The following ZNF525 variants were observed in gnomAD, a reference collection of about 807,000 sequenced individuals.
The protein encoded by ZNF525 is zinc finger protein 525.
Under a neutral mutation model 37.6 loss-of-function variants are expected in ZNF525, and 33 were observed. That is an observed-to-expected ratio of 0.88 (90% confidence interval 0.67 to 1.17). The LOEUF (loss-of-function observed/expected upper bound fraction) is 1.17. Ranked by LOEUF, ZNF525 falls within the 50% of genes most tolerant of loss-of-function variation. The pLI, the probability that ZNF525 is intolerant of heterozygous loss-of-function variation, is 0.00. For synonymous variants in ZNF525, 170 were observed against 182.3 expected (o/e 0.93, Z 0.54); for missense variants, 449 against 543.1 (o/e 0.83, Z 1.72).
Position 53,380,968 on chromosome 19 carries a change from A to G in ZNF525, c.389A>G (p.His130Arg), listed in dbSNP as rs1453772644. The change falls in exon 4 of 4, where the codon CAT becomes CGT. Residue 130 changes from histidine to arginine, a missense_variant. Transcript: ENST00000474037. Reference protein sequence around the residue: ...MGSTEQYDHRHAGNKPIKYQL... With the variant: ...MGSTEQYDHRRAGNKPIKYQL... ...AGTACAGAGCAATATGATCACAGGC[A>G]TGCTGGAAACAAGCCTATTAAATAT... is the stretch of plus-strand genomic sequence containing the variant. 1.1e-5 allele frequency: 18 copies of G among 1,589,360 alleles called. No homozygotes were observed. Among genetic ancestry groups the G allele is most frequent in the African/African-American group, 2.7e-5 (2 of 74,430 alleles).
At chr19:53,379,139 G>A (rs1253945081) in intron 3 of ZNF525, among the ~76,000 whole-genome samples, 1 of 150,848 alleles carries the variant, frequency 6.6e-6, no homozygotes, top group Non-Finnish European at 1.5e-5. Context: ...TCTTAGAGAC[G>A]AAGTCTCACC....
chr19:53,382,811 C>A lies in ZNF525; in HGVS notation c.*792C>A. On this transcript the variant is annotated 3_prime_UTR_variant, in exon 4 of 4. Transcript: ENST00000474037. ...CGGGCGAACTCATGCTGGAGAGAAA[C>A]CTTACAAATGTGAAGAATGTGATAA... 8 of 1,209,366 alleles carry A rather than the reference C, an allele frequency of 6.6e-6. No individual in the cohort carries two copies. Among genetic ancestry groups the A allele is most frequent in the Non-Finnish European group, 4.8e-6 (4 of 830,478 alleles). The allele number at this position is 1,209,366 out of a possible 1,614,324, so 74.9% of individuals were successfully genotyped here.
intron 2 of ZNF525, among the ~76,000 whole-genome samples, chr19:53,373,988 T>C (rs1339210927): frequency 1.3e-5 from 2 of 152,112 alleles, no homozygotes; most frequent in African/African-American, 4.8e-5. Context: ...GCTCAAGCGA[T>C]TCTCCTGCCT....
chr19:53,374,300 A>G (rs1207889527), intron 2 of ZNF525, among the ~76,000 whole-genome samples: 1 of 152,170 alleles, frequency 6.6e-6, no homozygotes, highest in African/African-American at 2.4e-5. Flanking sequence ...TTGATATTTC[A>G]TCCTGCTAGT....
chr19:53,382,391 G>C lies in ZNF525; in HGVS notation c.*372G>C. 1 of 1,058,938 alleles carries C rather than the reference G, an allele frequency of 9.4e-7. No individual in the cohort carries two copies. The highest frequency in any genetic ancestry group is 1.5e-6 in the Non-Finnish European group (1 of 680,706). The allele number at this position is 1,058,938 out of a possible 1,614,324, so 65.6% of individuals were successfully genotyped here. Reference sequence around the variant, plus strand: ...GACATAGGAGAATTCATAATGGAGAGAAACCGTACAAGTGTAATGAGTGTG... The same window carrying C: ...GACATAGGAGAATTCATAATGGAGACAAACCGTACAAGTGTAATGAGTGTG... On this transcript the variant is annotated 3_prime_UTR_variant, in exon 4 of 4. Transcript: ENST00000474037.
At chr19:53,373,673 T>C (rs2147067371) in intron 2 of ZNF525, among the ~76,000 whole-genome samples, 1 of 151,750 alleles carries the variant, frequency 6.6e-6, no homozygotes, top group Non-Finnish European at 1.5e-5. Flanking sequence ...TTTACAAAAA[T>C]TAACCAGGCA....
chr19:53,370,290 A>G (rs2085478089), intron 1 of ZNF525, among the ~76,000 whole-genome samples: 1 of 150,988 alleles, frequency 6.6e-6, no homozygotes, highest in Admixed American at 6.6e-5. Context: ...TGTTGGGTGG[A>G]TGCCTGTAGT....
Position 53,382,779 on chromosome 19 carries a change from C to T in ZNF525, c.*760C>T. On this transcript the variant is annotated 3_prime_UTR_variant, in exon 4 of 4. Coordinates refer to ENST00000474037, the MANE Select transcript of ZNF525 (RefSeq NM_001348156.2). ...TTTTTCAGACATCGTTCATACCTTG[C>T]AGTTCACGGGCGAACTCATGCTGGA... 1 of 1,007,678 alleles carries T rather than the reference C, an allele frequency of 9.9e-7. No homozygotes were observed. Among genetic ancestry groups the T allele is most frequent in the Non-Finnish European group, 1.5e-6 (1 of 651,216 alleles). 62.4% of individuals were successfully genotyped at this position (1,007,678 alleles called of 1,614,324 possible).
intron 1 of ZNF525, among the ~76,000 whole-genome samples, chr19:53,370,921 C>T (rs985785297): frequency 6.6e-6 from 1 of 152,186 alleles, no homozygotes; most frequent in Non-Finnish European, 1.5e-5. Context: ...GTCCAGCCTC[C>T]TCCTGGGAGC....
At position 53,383,630 on chromosome 19, in the gene ZNF525, C is replaced by T. The variant is rs560407387; in HGVS notation, c.*1611C>T. 7.3e-6 allele frequency: 9 copies of T among 1,233,304 alleles called. No homozygotes were observed. The highest frequency in any genetic ancestry group is 3.0e-5 in the African/African-American group (2 of 66,050). 76.4% of individuals were successfully genotyped at this position (1,233,304 alleles called of 1,614,324 possible). On this transcript the variant is annotated 3_prime_UTR_variant, in exon 4 of 4. Coordinates refer to ENST00000474037, the MANE Select transcript of ZNF525 (RefSeq NM_001348156.2). ...AACACTTATTCACCATCAGGCAATC[C>T]GTAGTGTAGGGAAACTTGACTAACG... is the stretch of plus-strand genomic sequence containing the variant.
chr19:53,385,315 G>C lies in ZNF525; in HGVS notation c.*3296G>C, dbSNP rs1248012534. On this transcript the variant is annotated 3_prime_UTR_variant, in exon 4 of 4. Transcript: ENST00000474037. ...GGCTCTAGTTTGATGCCCTCAAAAG[G>C]ATAAGACATGAGTATAAAAAGAGAC... 1 of 237,544 alleles carries C rather than the reference G, an allele frequency of 4.2e-6. No individual in the cohort carries two copies. The allele number at this position is 237,544 out of a possible 1,614,324, so 14.7% of individuals were successfully genotyped here.
chr19:53,374,204 T>G (rs962782247), intron 2 of ZNF525, among the ~76,000 whole-genome samples: 3 of 151,942 alleles, frequency 2.0e-5, no homozygotes, highest in Non-Finnish European at 4.4e-5. Context: ...TTTTTTCTGC[T>G]CCTCTCCTTC....
rs996131225 is a variant in ZNF525, at chr19:53,383,536, T to A, written c.*1517T>A. 7.4e-7 allele frequency: 1 copy of A among 1,352,014 alleles called. No individual in the cohort carries two copies. The highest frequency in any genetic ancestry group is 1.5e-5 in the African/African-American group (1 of 68,640). 83.8% of individuals were successfully genotyped at this position (1,352,014 alleles called of 1,614,324 possible). On this transcript the variant is annotated 3_prime_UTR_variant, in exon 4 of 4. Coordinates refer to ENST00000474037, the MANE Select transcript of ZNF525 (RefSeq NM_001348156.2). Reference sequence around the variant, plus strand: ...GACGTGATTCACACCTGGCACAACATCCCAGAGTTCACACTGGAGAGAAAC... The same window carrying A: ...GACGTGATTCACACCTGGCACAACAACCCAGAGTTCACACTGGAGAGAAAC...
chr19:53,380,599 G>T (rs1337461440), intron 3 of ZNF525, 123 bp from the exon 4 acceptor site: 7 of 574,302 alleles, frequency 1.2e-5, no homozygotes, highest in Non-Finnish European at 1.8e-5. Context: ...TGAAGCACAT[G>T]TAATCGCCCT....
Position 53,383,358 on chromosome 19 carries a change from G to A in ZNF525, c.*1339G>A, listed in dbSNP as rs1421372661. The A allele has an allele frequency of 1.7e-5, 20 of 1,195,742 alleles. No homozygotes were observed. Among genetic ancestry groups the A allele is most frequent in the Non-Finnish European group, 2.0e-5 (17 of 841,370 alleles). 74.1% of individuals were successfully genotyped at this position (1,195,742 alleles called of 1,614,324 possible). A position where few individuals can be genotyped will look rare whatever the true frequency, so the allele number is the denominator to read the frequency against. On this transcript the variant is annotated 3_prime_UTR_variant, in exon 4 of 4. Coordinates refer to ENST00000474037, the MANE Select transcript of ZNF525 (RefSeq NM_001348156.2). ...CGAGGTTTTCAATCAACAAGCACAC[G>A]TTGCACGTCATCATAGAATTCATAC...
At chr19:53,375,732 T>C in intron 2 of ZNF525, 38 bp from the exon 3 acceptor site, 5 of 1,613,706 alleles carry the variant, frequency 3.1e-6, no homozygotes, top group Non-Finnish European at 4.2e-6. Flanking sequence ...TAAGAACTCC[T>C]CCCATAACCA....
chr19:53,371,196 C>T (rs575548434), intron 1 of ZNF525, among the ~76,000 whole-genome samples: 26 of 137,778 alleles, frequency 1.9e-4, no homozygotes, highest in African/African-American at 4.8e-4. Flanking sequence ...ACATCAGAAA[C>T]GCTTTTTTTT....
At chr19:53,372,999 CACA>C (rs1349755282) in intron 2 of ZNF525, among the ~76,000 whole-genome samples, 1 of 152,102 alleles carries the variant, frequency 6.6e-6, no homozygotes, top group African/African-American at 2.4e-5. Flanking sequence ...TAACTTTTCT[CACA>C]TATGAGAGCA....
rs938184120 is a variant in ZNF525, at chr19:53,386,079, C to G, written c.*4060C>G. On this transcript the variant is annotated 3_prime_UTR_variant, in exon 4 of 4. Transcript: ENST00000474037. ...GCTGAGGCAGGGGAATCTCTTGAAC[C>G]CAGGAGGTGGAGGATGCAGTGAACT... The G allele has an allele frequency of 8.7e-6, 3 of 343,446 alleles. No individual in the cohort carries two copies. Among genetic ancestry groups the G allele is most frequent in the Non-Finnish European group, 1.1e-5 (2 of 177,082 alleles). The allele number at this position is 343,446 out of a possible 1,614,324, so 21.3% of individuals were successfully genotyped here.
Sources: gnomAD v4.1 joint callset for allele counts (sites outside exome capture counted in the v4.1 genomes callset) on GRCh38, gnomAD v4.1.1 for gene constraint, MANE v1.5 for transcripts, NCBI Gene and HGNC (gene_info 2026-07-23, HGNC 2026-07-21) for gene names.